STK32A: variants seen among roughly 807,000 people sequenced by gnomAD.
The protein encoded by STK32A is serine/threonine-protein kinase 32A.
STK32A carries 41 observed loss-of-function variants against 53.2 expected under a neutral mutation model. The observed-to-expected ratio is 0.77, with a 90% CI of 0.60 to 1.00. The LOEUF is 1.00. Among genes scored for constraint, STK32A ranks in the 50% least tolerant of loss-of-function variants. The probability of loss-of-function intolerance (pLI) is 0.00; values close to 1 mark genes in which losing one functional copy is unlikely to be tolerated. For missense variants in STK32A, 458 were observed against 485.8 expected, an observed-to-expected ratio of 0.94 and a Z score of 0.54; for synonymous variants, 166 against 162.8, an observed-to-expected ratio of 1.02 and a Z score of -0.15.
At chr5:147,343,557 T>G (rs2151989173) in intron 6 of STK32A, among the ~76,000 whole-genome samples, 1 of 152,366 alleles carries the variant, frequency 6.6e-6, no homozygotes, top group East Asian at 1.9e-4. Context: ...ATTCTTACAT[T>G]TTAGGGTCAT....
chr5:147,384,611 C>T lies in STK32A; in HGVS notation c.*628C>T, dbSNP rs1159460372. 1 of 477,718 alleles carries T rather than the reference C, an allele frequency of 2.1e-6. No individual in the cohort carries two copies. The highest frequency in any genetic ancestry group is 3.7e-6 in the Non-Finnish European group (1 of 273,226). 29.6% of individuals were successfully genotyped at this position (477,718 alleles called of 1,614,324 possible). On this transcript the variant is annotated 3_prime_UTR_variant, in exon 13 of 13. Transcript: ENST00000397936. ...AGGAGCCTGCTGTGCACACCACTTC[C>T]CAGCTCCCTCTTCAACAATGTGAAA...
At chr5:147,333,593 T>TAC (rs2151983039) in intron 5 of STK32A, among the ~76,000 whole-genome samples, 1 of 152,314 alleles carries the variant, frequency 6.6e-6, no homozygotes, top group South Asian at 2.1e-4. Flanking sequence ...TAGCTATACA[T>TAC]ACTTCACAGG....
At chr5:147,327,571 C>T (rs999968179) in intron 5 of STK32A, among the ~76,000 whole-genome samples, 2 of 152,196 alleles carry the variant, frequency 1.3e-5, no homozygotes, top group African/African-American at 4.8e-5. Flanking sequence ...GTCAGCACTA[C>T]GTGGAAGTAG....
intron 6 of STK32A, among the ~76,000 whole-genome samples, chr5:147,345,934 G>A (rs1432105412): frequency 6.6e-6 from 1 of 152,052 alleles, no homozygotes; most frequent in East Asian, 1.9e-4. Flanking sequence ...GTATATGAAT[G>A]GTACAGAAGT....
At chr5:147,398,023 C>T in the STK32A span, among the ~76,000 whole-genome samples, 2 of 152,184 alleles carry the variant, frequency 1.3e-5, no homozygotes, top group Non-Finnish European at 1.5e-5. Flanking sequence ...TTTACTAAGA[C>T]AAGACTAAAC....
intron 2 of STK32A, among the ~76,000 whole-genome samples, chr5:147,265,524 T>C (rs1457560169): frequency 2.6e-5 from 4 of 152,196 alleles, no homozygotes; most frequent in Non-Finnish European, 5.9e-5. Context: ...CAAAATAAAA[T>C]AAAGTTACAA....
the STK32A span, among the ~76,000 whole-genome samples, chr5:147,394,304 C>G: frequency 6.6e-6 from 1 of 152,114 alleles, no homozygotes; most frequent in Non-Finnish European, 1.5e-5. Flanking sequence ...CTTATGGCCC[C>G]GAAAACTAGC....
chr5:147,281,688 G>A (rs558439000), intron 4 of STK32A, among the ~76,000 whole-genome samples: 1 of 152,052 alleles, frequency 6.6e-6, no homozygotes, highest in South Asian at 2.1e-4. Context: ...CATATCTGAG[G>A]GAATAATTGA....
chr5:147,339,521 G>A (rs1313642801), intron 5 of STK32A, among the ~76,000 whole-genome samples: 1 of 152,238 alleles, frequency 6.6e-6, no homozygotes, highest in Non-Finnish European at 1.5e-5. Flanking sequence ...GCTGTGAGAA[G>A]AAGGTCACCA....
intron 2 of STK32A, among the ~76,000 whole-genome samples, chr5:147,266,958 G>A (rs1581014207): frequency 1.3e-5 from 2 of 151,878 alleles, no homozygotes; most frequent in African/African-American, 4.8e-5. Context: ...GGGAGGCAGA[G>A]GTTGTGGTGA....
chr5:147,319,860 G>T (rs1754212046), intron 4 of STK32A, among the ~76,000 whole-genome samples: 1 of 152,144 alleles, frequency 6.6e-6, no homozygotes, highest in South Asian at 2.1e-4. Flanking sequence ...TCCTTGCTCA[G>T]AATGGACCCT....
At chr5:147,306,585 T>A (rs2151968653) in intron 4 of STK32A, among the ~76,000 whole-genome samples, 1 of 151,350 alleles carries the variant, frequency 6.6e-6, no homozygotes, top group East Asian at 1.9e-4. Flanking sequence ...GTATCATATA[T>A]AAAATCAACA....
At chr5:147,392,285 C>CT (rs1757833596), downstream of STK32A, 1 of 152,182 alleles carries the variant, frequency 6.6e-6, no homozygotes, top group Non-Finnish European at 1.5e-5. Flanking sequence ...GGGAAATAGT[C>CT]TTTTTTCATG....
intron 8 of STK32A, among the ~76,000 whole-genome samples, chr5:147,366,399 T>C (rs1056278813): frequency 6.6e-6 from 1 of 152,222 alleles, no homozygotes; most frequent in African/African-American, 2.4e-5. Context: ...AAAATCTTTA[T>C]AGCCAAGTAT....
Position 147,384,461 on chromosome 5 carries a change from T to A in STK32A, c.*478T>A. ...AAGTGGTCAGAATGCCCCAGGCTAC[T>A]TGGATAAAGATAAGGAATTCTATCA... On this transcript the variant is annotated 3_prime_UTR_variant, in exon 13 of 13. Coordinates refer to ENST00000397936, the MANE Select transcript of STK32A (RefSeq NM_001112724.2). 6.6e-7 allele frequency: 1 copy of A among 1,524,006 alleles called. No homozygotes were observed. Among genetic ancestry groups the A allele is most frequent in the Non-Finnish European group, 8.8e-7 (1 of 1,137,440 alleles). The allele number at this position is 1,524,006 out of a possible 1,614,324, so 94.4% of individuals were successfully genotyped here. A position where few individuals can be genotyped will look rare whatever the true frequency, so the allele number is the denominator to read the frequency against.
chr5:147,327,847 G>A (rs952911663), intron 5 of STK32A, among the ~76,000 whole-genome samples: 1 of 152,250 alleles, frequency 6.6e-6, no homozygotes, highest in African/African-American at 2.4e-5. Flanking sequence ...CTGCAGCTCT[G>A]AGGGGAGCAC....
intron 7 of STK32A, among the ~76,000 whole-genome samples, chr5:147,355,788 G>GTATATATATATATATATATATATATA (rs1354487817): frequency 7.3e-6 from 1 of 137,582 alleles, no homozygotes; most frequent in African/African-American, 2.7e-5. Flanking sequence ...GTGAGTGTGT[G>GTATATATATATATATATATATATATA]TGTGTATATA....
In STK32A at chr5:147,278,175, G is replaced by T; in HGVS notation, c.104G>T (p.Gly35Val). ...CGAGCCATTGGGAAAGGCAGTTTTG[G>T]GAAGGTGAGAACAAATTGAAATGAT... is the stretch of plus-strand genomic sequence containing the variant. Reference protein sequence around the residue: ...ILRAIGKGSFGKVCIVQKNDT... With the variant: ...ILRAIGKGSFVKVCIVQKNDT... Residue 35 changes from glycine (G) to valine (V), a missense_variant, in exon 3 of 13, where the codon GGG becomes GTG. Physicochemically the swap from Gly to Val is moderately radical, Grantham distance 109. Transcript: ENST00000397936. The T allele has an allele frequency of 6.3e-7, 1 of 1,598,146 alleles. No individual in the cohort carries two copies. Among genetic ancestry groups the T allele is most frequent in the South Asian group, 1.1e-5 (1 of 87,986 alleles).
chr5:147,351,310 C>A (rs1755966220), intron 7 of STK32A, among the ~76,000 whole-genome samples, 156 bp downstream of exon 7: 1 of 152,140 alleles, frequency 6.6e-6, no homozygotes, highest in African/African-American at 2.4e-5. Flanking sequence ...CACTAGCAAG[C>A]ACCCAAGATG....
Sources: allele counts gnomAD v4.1 joint callset (sites outside exome capture counted in the v4.1 genomes callset), GRCh38; gene constraint gnomAD v4.1.1; transcripts MANE v1.5; gene names NCBI Gene and HGNC (gene_info 2026-07-23, HGNC 2026-07-21).